ADGRL2: variants seen among roughly 807,000 people sequenced by gnomAD.
The protein encoded by ADGRL2 is adhesion G protein-coupled receptor L2.
In ADGRL2, 44 loss-of-function variants were observed where a neutral mutation model predicts 157.4. The observed-to-expected ratio is 0.28, with a 90% CI of 0.22 to 0.36. The LOEUF is 0.36. Among genes scored for constraint, ADGRL2 ranks in the 10% least tolerant of loss-of-function variants. The pLI, the probability that ADGRL2 is intolerant of heterozygous loss-of-function variation, is 1.00. For synonymous variants in ADGRL2, 585 were observed against 624.7 expected (o/e 0.94, Z 0.95); for missense variants, 1,510 against 1,768.9 (o/e 0.85, Z 2.63).
chr1:81,722,603 A>G (rs2084370402), intron 1 of ADGRL2: 2 of 1,447,380 alleles, frequency 1.4e-6, no homozygotes, highest in African/African-American at 1.4e-5. Flanking sequence ...GATGTAGCCC[A>G]TGATCTTGCC....
intron 3 of ADGRL2, among the ~76,000 whole-genome samples, chr1:81,930,344 T>C (rs1423567032): frequency 1.3e-5 from 2 of 152,316 alleles, no homozygotes; most frequent in East Asian, 1.9e-4. Flanking sequence ...AATTTCCATA[T>C]ACTAGTATGT....
At chr1:81,353,889 G>A (rs528694840) in intron 1 of ADGRL2, among the ~76,000 whole-genome samples, 39 of 152,290 alleles carry the variant, frequency 2.6e-4, no homozygotes, top group South Asian at 6.2e-4. Flanking sequence ...GGGCGACAGC[G>A]TCCCAGGTAA....
At chr1:81,712,912 C>A (rs1371195459) in intron 1 of ADGRL2, among the ~76,000 whole-genome samples, 1 of 151,770 alleles carries the variant, frequency 6.6e-6, no homozygotes, top group Non-Finnish European at 1.5e-5. Context: ...CAGGCATGCA[C>A]CACCACGCCC....
intron 1 of ADGRL2, among the ~76,000 whole-genome samples, chr1:81,734,756 G>T (rs932277031): frequency 3.3e-5 from 5 of 149,488 alleles, no homozygotes; most frequent in African/African-American, 9.8e-5. Flanking sequence ...AAGTTGGCCA[G>T]GCCATGGTGG....
chr1:81,793,528 T>C (rs2087446444), intron 2 of ADGRL2, among the ~76,000 whole-genome samples: 1 of 152,096 alleles, frequency 6.6e-6, no homozygotes, highest in African/African-American at 2.4e-5. Context: ...AAACACTTCT[T>C]TCACTAACTG....
intron 1 of ADGRL2, among the ~76,000 whole-genome samples, chr1:81,815,037 A>G (rs538484154): frequency 6.6e-6 from 1 of 151,752 alleles, no homozygotes; most frequent in East Asian, 1.9e-4. Context: ...TGTCTCTAAT[A>G]TTTGTGTGTT....
intron 21 of ADGRL2, among the ~76,000 whole-genome samples, chr1:81,985,842 A>G (rs961384605): frequency 1.3e-5 from 2 of 152,044 alleles, no homozygotes; most frequent in African/African-American, 4.8e-5. Context: ...AGAAAAGAGT[A>G]TATGCACACA....
chr1:81,486,477 G>C (rs188060594), intron 2 of ADGRL2, among the ~76,000 whole-genome samples: 227 of 151,292 alleles, frequency 1.5e-3, no homozygotes, highest in Non-Finnish European at 2.7e-3. Flanking sequence ...CACATACTGA[G>C]ATTTTAAAAG....
rs35800238 is a variant in ADGRL2, at chr1:81,488,536, C to CA, written c.-248+43462dup. Among the ~76,000 whole-genome samples the CA allele has an allele frequency of 8.7e-3, 1,211 of 138,684 alleles. 21 individuals are homozygous for CA. Among genetic ancestry groups the CA allele is most frequent in the African/African-American group, 0.029 (1,111 of 38,396 alleles). 91.0% of individuals were successfully genotyped at this position (138,684 alleles called of 152,430 possible). A position where few individuals can be genotyped will look rare whatever the true frequency, so the allele number is the denominator to read the frequency against. On this transcript the variant is annotated intron_variant, in intron 2 of 24. Coordinates refer to the ADGRL2 transcript ENST00000370721. ...TGCAACATGGCAAAACCTGTCTCTA[C>CA]AAAAAAAAAAAAAAATACAAAAATT... is the stretch of plus-strand genomic sequence containing the variant.
At chr1:81,937,285 C>T (rs973109389) in intron 4 of ADGRL2, among the ~76,000 whole-genome samples, 1 of 151,736 alleles carries the variant, frequency 6.6e-6, no homozygotes. Context: ...GAGGCAAGTG[C>T]TTTACTTTTT....
chr1:81,549,105 T>G (rs1172473110), intron 2 of ADGRL2, among the ~76,000 whole-genome samples: 9 of 152,214 alleles, frequency 5.9e-5, no homozygotes, highest in Admixed American at 2.0e-4. Context: ...TTTTGACCTC[T>G]GAGACATTTG....
At chr1:81,585,076 T>C (rs1262042170) in intron 3 of ADGRL2, among the ~76,000 whole-genome samples, 1 of 152,200 alleles carries the variant, frequency 6.6e-6, no homozygotes, top group East Asian at 1.9e-4. Flanking sequence ...TGCAATCAAC[T>C]GTATTTGTGG....
chr1:81,375,840 G>A (rs748877054), intron 1 of ADGRL2, among the ~76,000 whole-genome samples: 66 of 151,870 alleles, frequency 4.3e-4, no homozygotes, highest in African/African-American at 1.5e-3. Flanking sequence ...ATGGTTCATC[G>A]CTTGGATTTA....
At chr1:81,354,364 C>A (rs1046315918) in intron 1 of ADGRL2, among the ~76,000 whole-genome samples, 3 of 152,164 alleles carry the variant, frequency 2.0e-5, no homozygotes, top group Admixed American at 2.0e-4. Context: ...TCTAAGCTTC[C>A]TCTGTAAATC....
chr1:81,392,898 C>A (rs1007797492), intron 1 of ADGRL2, among the ~76,000 whole-genome samples: 1 of 152,068 alleles, frequency 6.6e-6, no homozygotes, highest in African/African-American at 2.4e-5. Flanking sequence ...TATTGATTCA[C>A]AATGTTTTTC....
chr1:81,479,926 T>A (rs559228779), intron 2 of ADGRL2, among the ~76,000 whole-genome samples: 6 of 152,368 alleles, frequency 3.9e-5, no homozygotes, highest in African/African-American at 1.4e-4. Context: ...GTCAAAATGA[T>A]ACCTTAAGTT....
At chr1:81,691,519 A>G (rs2083333019) in intron 3 of ADGRL2, among the ~76,000 whole-genome samples, 1 of 151,366 alleles carries the variant, frequency 6.6e-6, no homozygotes, top group Non-Finnish European at 1.5e-5. Flanking sequence ...TTTTTTTGAG[A>G]CGGAGTTTCG....
In ADGRL2 at chr1:81,333,003, C is replaced by T. The variant is rs115422071; in HGVS notation, c.-302+26494C>T. Among the ~76,000 whole-genome samples the T allele has an allele frequency of 6.2e-3, 942 of 152,232 alleles. 15 individuals are homozygous for T. Among genetic ancestry groups the T allele is most frequent in the African/African-American group, 0.022 (896 of 41,542 alleles). Reference sequence around the variant, plus strand: ...TCAGCGACCTGGGAATTAGGAAACTCGTTTCTGAAATAAGCTGTACCACCA... The same window carrying T: ...TCAGCGACCTGGGAATTAGGAAACTTGTTTCTGAAATAAGCTGTACCACCA... On this transcript the variant is annotated intron_variant, in intron 1 of 24. Transcript: ENST00000370721.
intron 2 of ADGRL2, among the ~76,000 whole-genome samples, chr1:81,485,662 C>T (rs1475380052): frequency 6.6e-6 from 1 of 152,062 alleles, no homozygotes; most frequent in Non-Finnish European, 1.5e-5. Context: ...CTGTAGGGTG[C>T]ACACAGGTAC....
Sources: allele counts gnomAD v4.1 joint callset (sites outside exome capture counted in the v4.1 genomes callset), GRCh38; gene constraint gnomAD v4.1.1; transcripts MANE v1.5; gene names NCBI Gene and HGNC (gene_info 2026-07-23, HGNC 2026-07-21).